The following C1orf21 variants were observed in gnomAD, a reference collection of about 807,000 sequenced individuals.
C1orf21 encodes chromosome 1 open reading frame 21.
C1orf21 carries 3 observed loss-of-function variants against 18.7 expected under a neutral mutation model. That is an observed-to-expected ratio of 0.16 (90% CI 0.07 to 0.42). The LOEUF (loss-of-function observed/expected upper bound fraction) is 0.42. Among genes scored for constraint, C1orf21 ranks in the 10% least tolerant of loss-of-function variants. The probability of loss-of-function intolerance (pLI) is 0.99; values close to 1 mark genes in which losing one functional copy is unlikely to be tolerated. For synonymous variants in C1orf21, 41 were observed against 46.4 expected, an observed-to-expected ratio of 0.88 and a Z score of 0.47; for missense variants, 104 against 143.6, an observed-to-expected ratio of 0.72 and a Z score of 1.41.
intron 3 of C1orf21, among the ~76,000 whole-genome samples, chr1:184,517,999 C>G (rs1048157835): frequency 1.3e-5 from 2 of 152,184 alleles, no homozygotes; most frequent in Admixed American, 1.3e-4. Context: ...TAACCTTACT[C>G]GCAGGAGTCA....
intron 3 of C1orf21, among the ~76,000 whole-genome samples, chr1:184,534,315 G>A (rs936428134): frequency 6.6e-6 from 1 of 152,162 alleles, no homozygotes; most frequent in African/African-American, 2.4e-5. Context: ...AGCTATTGCC[G>A]AGATTTACTT....
At chr1:184,395,988 G>T (rs1170009970) in intron 1 of C1orf21, among the ~76,000 whole-genome samples, 1 of 152,064 alleles carries the variant, frequency 6.6e-6, no homozygotes, top group Admixed American at 6.6e-5. Context: ...TTCTCTTACT[G>T]GCATTTGGGG....
chr1:184,431,121 C>T (rs10157833), intron 1 of C1orf21, among the ~76,000 whole-genome samples: 46,060 of 151,864 alleles, frequency 0.3, 9,216 homozygotes, highest in African/African-American at 0.58. Flanking sequence ...TTTTTGCACA[C>T]TGATTTCATA....
rs558606442 is a variant in C1orf21 at position 184,548,403 on chromosome 1, C to T, written c.189+40721C>T. 4.1e-5 allele frequency among the ~76,000 whole-genome samples: 6 copies of T among 145,690 alleles called. No homozygotes were observed. The South Asian group carries it at 1.3e-3, about 32-fold the overall frequency. Reference sequence around the variant, plus strand: ...TTATTCATTCATTTTATACCCATTGCAGACTCTTTTTTTTTTTTTTTTTTT... The same window carrying T: ...TTATTCATTCATTTTATACCCATTGTAGACTCTTTTTTTTTTTTTTTTTTT... On this transcript the variant is annotated intron_variant, in intron 3 of 5. Transcript: ENST00000235307.
chr1:184,490,804 A>G (rs1657805714), intron 2 of C1orf21, among the ~76,000 whole-genome samples: 1 of 152,134 alleles, frequency 6.6e-6, no homozygotes, highest in Non-Finnish European at 1.5e-5. Context: ...CCTTATGTAG[A>G]TGAGACCGTT....
intron 3 of C1orf21, among the ~76,000 whole-genome samples, chr1:184,586,409 G>A (rs963428476): frequency 6.7e-6 from 1 of 150,202 alleles, no homozygotes; most frequent in Non-Finnish European, 1.5e-5. Flanking sequence ...TCAGCCTCCC[G>A]AGTAGCTGGG....
chr1:184,520,290 T>G (rs1658289225), intron 3 of C1orf21, among the ~76,000 whole-genome samples: 1 of 152,218 alleles, frequency 6.6e-6, no homozygotes, highest in Non-Finnish European at 1.5e-5. Flanking sequence ...CTGGATAACT[T>G]GAGAGCTTGC....
chr1:184,482,057 C>T (rs1657665573), intron 2 of C1orf21, among the ~76,000 whole-genome samples: 2 of 152,210 alleles, frequency 1.3e-5, no homozygotes, highest in African/African-American at 4.8e-5. Flanking sequence ...CCCATTATTT[C>T]TGTGGTCTCT....
Position 184,573,462 on chromosome 1 carries a change from A to G in C1orf21, c.190-17277A>G, listed in dbSNP as rs550517312. Among the ~76,000 whole-genome samples the G allele has an allele frequency of 1.4e-4, 21 of 152,292 alleles. No individual in the cohort carries two copies. The South Asian group carries it at 4.4e-3, about 32-fold the overall frequency. ...GCCGAAGATTCATTTGATGAATCCG[A>G]TTTTTCCGAAATAGACGTTTCTGAT... On this transcript the variant is annotated intron_variant, in intron 3 of 5. Coordinates refer to ENST00000235307, the MANE Select transcript of C1orf21 (RefSeq NM_030806.4).
At chr1:184,495,852 A>G (rs1226257476) in intron 2 of C1orf21, among the ~76,000 whole-genome samples, 2 of 139,230 alleles carry the variant, frequency 1.4e-5, no homozygotes, top group Non-Finnish European at 3.0e-5. Context: ...CGGGAGGCAG[A>G]GGTTGCAGTG....
Position 184,524,935 on chromosome 1 carries a change from A to G in C1orf21, c.189+17253A>G, listed in dbSNP as rs537434860. On this transcript the variant is annotated intron_variant, in intron 3 of 5. Transcript: ENST00000235307. ...ATTATAGAAAATATTTTCATAGCTT[A>G]CTTCTTAAAATATCCATTAGTCTGA... 2.0e-5 allele frequency among the ~76,000 whole-genome samples: 3 copies of G among 152,140 alleles called. No individual in the cohort carries two copies. The South Asian group carries it at 6.2e-4, about 32-fold the overall frequency.
intron 1 of C1orf21, among the ~76,000 whole-genome samples, chr1:184,461,093 T>C (rs1317686281): frequency 6.6e-6 from 1 of 152,156 alleles, no homozygotes; most frequent in African/African-American, 2.4e-5. Flanking sequence ...CCCCTGAGTC[T>C]TGCTTAGGAC....
At chr1:184,405,750 T>C (rs971788180) in intron 1 of C1orf21, among the ~76,000 whole-genome samples, 4 of 152,234 alleles carry the variant, frequency 2.6e-5, no homozygotes, top group African/African-American at 9.6e-5. Flanking sequence ...AGATTGGTGC[T>C]CCTCTAGCTT....
chr1:184,615,285 T>A (rs1659804156), intron 5 of C1orf21, among the ~76,000 whole-genome samples: 1 of 152,112 alleles, frequency 6.6e-6, no homozygotes. Flanking sequence ...CGGAAAAATT[T>A]TGGTAGGCAA....
intron 3 of C1orf21, among the ~76,000 whole-genome samples, chr1:184,585,768 T>G (rs1659343961): frequency 6.6e-6 from 1 of 152,202 alleles, no homozygotes; most frequent in African/African-American, 2.4e-5. Context: ...TGGCCTTCAG[T>G]TCCATCCATG....
Position 184,493,469 on chromosome 1 carries a change from C to G in C1orf21, c.95-14119C>G, listed in dbSNP as rs185300849. On this transcript the variant is annotated intron_variant, in intron 2 of 5. Transcript: ENST00000235307. ...TCCTTCAAATTGCAAAACAGTCACA[C>G]GAGTACAAATCTTTATTTAGACTAC... is the stretch of plus-strand genomic sequence containing the variant. 2.6e-3 allele frequency among the ~76,000 whole-genome samples: 403 copies of G among 152,266 alleles called. 1 individual carries two copies. Among genetic ancestry groups the G allele is most frequent in the African/African-American group, 9.3e-3 (385 of 41,554 alleles).
rs562765277 is a variant in C1orf21, at chr1:184,429,012, C to A, written c.-125+41644C>A. Among the ~76,000 whole-genome samples, 3 of 152,274 alleles carry A rather than the reference C, an allele frequency of 2.0e-5. No individual in the cohort carries two copies. The South Asian group carries it at 6.2e-4, about 32-fold the overall frequency. On this transcript the variant is annotated intron_variant, in intron 1 of 5. Transcript: ENST00000235307. ...TCCCCATCTGATCCTACCCCTGGCT[C>A]CATCCCCCAACCCAGTCCAACACAC... is the stretch of plus-strand genomic sequence containing the variant.
intron 3 of C1orf21, among the ~76,000 whole-genome samples, chr1:184,523,841 C>T (rs753027968): frequency 1.3e-5 from 2 of 152,116 alleles, no homozygotes; most frequent in Non-Finnish European, 2.9e-5. Context: ...GAACAGTGTT[C>T]TATAATACTT....
intron 4 of C1orf21, among the ~76,000 whole-genome samples, 159 bp downstream of exon 4, chr1:184,590,974 A>G (rs1659428780): frequency 6.6e-6 from 1 of 152,202 alleles, no homozygotes; most frequent in Non-Finnish European, 1.5e-5. Context: ...ACCAAGTACT[A>G]TGTTGAATTC....
Sources: allele counts gnomAD v4.1 joint callset (sites outside exome capture counted in the v4.1 genomes callset), GRCh38; gene constraint gnomAD v4.1.1; transcripts MANE v1.5; gene names NCBI Gene and HGNC (gene_info 2026-07-23, HGNC 2026-07-21).